The following KALRN variants were observed in gnomAD, a reference collection of about 807,000 sequenced individuals.
KALRN encodes kalirin.
KALRN carries 70 observed loss-of-function variants against 353.7 expected under a neutral mutation model. The ratio of observed to expected loss-of-function variants is 0.20; its 90% CI spans 0.16 to 0.24. The LOEUF is 0.24. KALRN is among the 10% of genes least tolerant of loss of function. KALRN has a pLI of 1.00. For synonymous variants in KALRN, 1,391 were observed against 1,434.8 expected (o/e 0.97, Z 0.69); for missense variants, 2,791 against 3,756.7 (o/e 0.74, Z 6.72).
rs140215722 is a variant in KALRN at position 124,179,682 on chromosome 3, C to A, written c.74-48308C>A. Among the ~76,000 whole-genome samples the A allele has an allele frequency of 7.3e-3, 1,118 of 152,296 alleles. 16 individuals are homozygous for A. The highest frequency in any genetic ancestry group is 6.2e-3 in the Non-Finnish European group (425 of 68,030). On this transcript the variant is annotated intron_variant, in intron 1 of 59. Transcript: ENST00000682506. ...CGTGAGTAATGTGTGTGTTGTGCTA[C>A]AATGTTATAGCAGCTATGATGTCAC...
chr3:124,419,639 C>T (rs2092686902), intron 14 of KALRN, among the ~76,000 whole-genome samples: 1 of 152,136 alleles, frequency 6.6e-6, no homozygotes. Context: ...TGACATGGCT[C>T]TGGCGTCAAG....
In KALRN at chr3:124,632,427, C is replaced by T; in HGVS notation, c.5190C>T (p.Tyr1730=). 6.2e-7 allele frequency: 1 copy of T among 1,613,872 alleles called. No individual in the cohort carries two copies. The highest frequency in any genetic ancestry group is 8.5e-7 in the Non-Finnish European group (1 of 1,179,850). Reference sequence around the variant, plus strand: ...TCTGTCCGTTTTCCTCAGATGCATACTCTCATTCCTCAAGCGAGAATGGAG... The same window carrying T: ...TCTGTCCGTTTTCCTCAGATGCATATTCTCATTCCTCAAGCGAGAATGGAG... ...DCFFPLVKDA[Y]SHSSSENGGK... The change falls in exon 35 of 60, where the codon TAC becomes TAT. Residue 1730 remains tyrosine (Y), a synonymous_variant. Transcript: ENST00000682506.
At chr3:124,462,029 G>C in intron 24 of KALRN, 73 bp downstream of exon 24, 1 of 1,105,050 alleles carries the variant, frequency 9.0e-7, no homozygotes, top group Non-Finnish European at 1.4e-6. Context: ...GTCCTCAATT[G>C]GAATTTGGTG....
chr3:124,645,894 G>A (rs192433282), intron 37 of KALRN, among the ~76,000 whole-genome samples: 420 of 137,276 alleles, frequency 3.1e-3, no homozygotes, highest in Non-Finnish European at 5.2e-3. Flanking sequence ...TTTCCAAAAT[G>A]TCTACATAAG....
chr3:124,407,164 A>T (rs2091649136), intron 13 of KALRN, among the ~76,000 whole-genome samples: 1 of 152,096 alleles, frequency 6.6e-6, no homozygotes, highest in Non-Finnish European at 1.5e-5. Context: ...TCATTTGAGA[A>T]ATGGAAACGA....
At chr3:124,298,709 T>A in intron 5 of KALRN, 82 bp from the exon 6 acceptor site, 1 of 1,506,776 alleles carries the variant, frequency 6.6e-7, no homozygotes, top group Non-Finnish European at 9.2e-7. Flanking sequence ...GAGAGCTTTT[T>A]CCCCTTCCAC....
Position 124,334,358 on chromosome 3 carries a change from A to G in KALRN, c.1510A>G (p.Lys504Glu), listed in dbSNP as rs142387311. ...CCTCACGGCCACAGCCAACTACTCC[A>G]AGGCAGTGCACCAGGTGCTGGACGT... ...ESLTATANYSKAVHQVLDVVH... is the reference protein window; with the variant it reads ...ESLTATANYSEAVHQVLDVVH... The change falls in exon 9 of 60, where the codon AAG becomes GAG. Residue 504 changes from lysine to glutamate, a missense_variant. Lys to Glu is a moderately conservative substitution (Grantham distance 56). This residue lies in a region of KALRN where 366 missense variants were observed against 489.2 expected (regional missense o/e 0.75). Coordinates refer to ENST00000682506, the MANE Select transcript of KALRN (RefSeq NM_001388419.1). The surrounding 1 kb of genome is among the most constrained non-coding windows in gnomAD (Gnocchi z 4.2). 4.3e-6 allele frequency: 7 copies of G among 1,614,204 alleles called. No homozygotes were observed. Among genetic ancestry groups the G allele is most frequent in the Non-Finnish European group, 5.1e-6 (6 of 1,180,026 alleles).
At chr3:124,644,568 C>T (rs529389136) in intron 37 of KALRN, among the ~76,000 whole-genome samples, 1 of 152,106 alleles carries the variant, frequency 6.6e-6, no homozygotes, top group African/African-American at 2.4e-5. Flanking sequence ...TGAGTGAGAA[C>T]ATGCAGTGTT....
chr3:124,049,703 T>C (rs1473677567), intron 1 of KALRN, among the ~76,000 whole-genome samples: 1 of 152,202 alleles, frequency 6.6e-6, no homozygotes, highest in Non-Finnish European at 1.5e-5. Context: ...CATGACATGT[T>C]CCATTTGCTT....
intron 37 of KALRN, among the ~76,000 whole-genome samples, chr3:124,650,513 G>C (rs3772775): frequency 0.26 from 39,773 of 152,098 alleles, 5,357 homozygotes; most frequent in East Asian, 0.43. Context: ...GCGATCGTTA[G>C]CATTACCTCT....
At chr3:124,548,810 C>T (rs538692757) in intron 33 of KALRN, among the ~76,000 whole-genome samples, 12 of 152,314 alleles carry the variant, frequency 7.9e-5, no homozygotes, top group East Asian at 1.9e-4. Flanking sequence ...TGTGCCACCA[C>T]GCCCGGCTAA....
intron 9 of KALRN, among the ~76,000 whole-genome samples, chr3:124,343,348 C>T (rs1005991348): frequency 1.3e-5 from 2 of 152,030 alleles, no homozygotes; most frequent in Non-Finnish European, 2.9e-5. Flanking sequence ...TTTGTAGAGA[C>T]AGAGTTTTGC....
chr3:124,276,758 A>G (rs890708687), intron 5 of KALRN, among the ~76,000 whole-genome samples: 1 of 152,240 alleles, frequency 6.6e-6, no homozygotes, highest in Non-Finnish European at 1.5e-5. Context: ...ACCCAAAATC[A>G]TCCAGTCCAT....
rs60579271 is a variant in KALRN, at chr3:124,181,076, CAAAAAAAAAAA to C, written c.74-46899_74-46889del. ...CAAAACCCCATCTCTACTAAAAATA[CAAAAAAAAAAA>C]AAAAAAAAAAAAAATTAGCCAGGCG... On this transcript the variant is annotated intron_variant, in intron 1 of 59. Coordinates refer to ENST00000682506, the MANE Select transcript of KALRN (RefSeq NM_001388419.1). 9.0e-5 allele frequency among the ~76,000 whole-genome samples: 5 copies of C among 55,260 alleles called. No individual in the cohort carries two copies. The East Asian group carries it at 1.6e-3, about 18-fold the overall frequency. The allele number at this position is 55,260 out of a possible 152,430, so 36.3% of individuals were successfully genotyped here.
chr3:124,090,785 T>A (rs2061070611), intron 1 of KALRN, among the ~76,000 whole-genome samples: 3 of 152,186 alleles, frequency 2.0e-5, no homozygotes, highest in Admixed American at 2.0e-4. Flanking sequence ...TTGTTAAAAA[T>A]GCAGGCCTCT....
intron 15 of KALRN, among the ~76,000 whole-genome samples, chr3:124,425,753 G>A (rs960945478): frequency 7.9e-5 from 12 of 152,006 alleles, no homozygotes; most frequent in Non-Finnish European, 1.5e-4. Context: ...TTCCTTCGCC[G>A]ATATTAAAAT....
chr3:124,199,856 G>C (rs2075799847), intron 1 of KALRN, among the ~76,000 whole-genome samples: 1 of 152,174 alleles, frequency 6.6e-6, no homozygotes. Flanking sequence ...CCACTGGAAG[G>C]CATCATCTAT....
At chr3:124,628,179 TCCC>T (rs2080221584) in intron 34 of KALRN, among the ~76,000 whole-genome samples, 2 of 30,844 alleles carry the variant, frequency 6.5e-5, no homozygotes, top group African/African-American at 2.0e-4. Context: ...CTTCCCTCCC[TCCC>T]TCCTTCATTC....
intron 1 of KALRN, among the ~76,000 whole-genome samples, chr3:124,144,482 A>G (rs1168388971): frequency 1.3e-5 from 2 of 151,684 alleles, no homozygotes; most frequent in Non-Finnish European, 1.5e-5. Context: ...CATTGTCACC[A>G]TCATCCTCGT....
Sources: allele counts gnomAD v4.1 joint callset (sites outside exome capture counted in the v4.1 genomes callset), GRCh38; gene constraint gnomAD v4.1.1; regional missense constraint gnomAD v4.1.1; non-coding constraint Gnocchi (gnomAD v3.1); transcripts MANE v1.5; gene names NCBI Gene and HGNC (gene_info 2026-07-23, HGNC 2026-07-21).